Variants in YAF2 observed in about 807,000 individuals in gnomAD.
YAF2 encodes the protein YY1-associated factor 2.
In YAF2, 7 loss-of-function variants were observed where a neutral mutation model predicts 20.1. The observed-to-expected ratio is 0.35, with a 90% confidence interval of 0.20 to 0.65. YAF2 has a LOEUF of 0.65. Ranked by LOEUF, YAF2 falls within the 30% of genes least tolerant of loss-of-function variation. The probability of loss-of-function intolerance (pLI) is 0.69; values close to 1 mark genes in which losing one functional copy is unlikely to be tolerated. For missense variants in YAF2, 151 were observed against 219.2 expected, an observed-to-expected ratio of 0.69 and a Z score of 1.96; for synonymous variants, 74 against 76.0, an observed-to-expected ratio of 0.97 and a Z score of 0.14.
At chr12:42,212,645 G>T (rs763523356) in intron 2 of YAF2, among the ~76,000 whole-genome samples, 1 of 152,152 alleles carries the variant, frequency 6.6e-6, no homozygotes, top group Non-Finnish European at 1.5e-5. Flanking sequence ...TAATTCTAAT[G>T]AAAATCTTTT....
At chr12:42,190,236 T>C (rs900739674) in intron 2 of YAF2, among the ~76,000 whole-genome samples, 2 of 152,018 alleles carry the variant, frequency 1.3e-5, no homozygotes, top group Non-Finnish European at 2.9e-5. Flanking sequence ...CCTAGATACT[T>C]TGGAAGTTGA....
intron 2 of YAF2, among the ~76,000 whole-genome samples, chr12:42,211,705 T>C (rs965141027): frequency 1.2e-4 from 18 of 144,724 alleles, no homozygotes; most frequent in Admixed American, 9.8e-4. Context: ...AGTCGTGCCA[T>C]TGCACTCCAG....
intron 2 of YAF2, among the ~76,000 whole-genome samples, chr12:42,198,090 G>T (rs1481903591): frequency 6.6e-6 from 1 of 151,946 alleles, no homozygotes; most frequent in African/African-American, 2.4e-5. Context: ...AATCCCCATA[G>T]AGTGAAATGT....
At chr12:42,208,511 AAACTGTATCATTCAGCT>A (rs2067116443) in intron 2 of YAF2, among the ~76,000 whole-genome samples, 1 of 152,222 alleles carries the variant, frequency 6.6e-6, no homozygotes, top group Non-Finnish European at 1.5e-5. Flanking sequence ...TTTAAGGGCT[AAACTGTATCATTCAGCT>A]AACTATAACC....
intron 2 of YAF2, chr12:42,237,395 C>CGTTA: frequency 7.8e-7 from 1 of 1,279,304 alleles, no homozygotes; most frequent in Non-Finnish European, 9.9e-7. Context: ...CAGCAAAAAA[C>CGTTA]GTTACAGCCT....
intron 2 of YAF2, among the ~76,000 whole-genome samples, chr12:42,170,314 G>A (rs1215367636): frequency 6.6e-6 from 1 of 152,204 alleles, no homozygotes. Context: ...ACAAATGATT[G>A]CTGAATGAAT....
intron 2 of YAF2, among the ~76,000 whole-genome samples, chr12:42,184,862 G>A (rs760430848): frequency 6.6e-6 from 1 of 152,216 alleles, no homozygotes; most frequent in Non-Finnish European, 1.5e-5. Flanking sequence ...AGTAACAGCA[G>A]ATGTGGTAGA....
At chr12:42,235,223 C>G (rs2068109992) in intron 2 of YAF2, 1 of 994,776 alleles carries the variant, frequency 1.0e-6, no homozygotes. Flanking sequence ...CTGCAGCTAT[C>G]CAGTCTTGGC....
At chr12:42,237,395 C>G in intron 2 of YAF2, 1 of 1,279,304 alleles carries the variant, frequency 7.8e-7, no homozygotes, top group Non-Finnish European at 9.9e-7. Flanking sequence ...CAGCAAAAAA[C>G]GTTACAGCCT....
intron 2 of YAF2, among the ~76,000 whole-genome samples, chr12:42,222,758 T>G (rs1326334867): frequency 6.6e-6 from 1 of 152,160 alleles, no homozygotes; most frequent in Non-Finnish European, 1.5e-5. Flanking sequence ...TCAGGGATTT[T>G]TTTTTCCTTT....
At chr12:42,197,632 G>A (rs750561372) in intron 2 of YAF2, among the ~76,000 whole-genome samples, 1 of 152,262 alleles carries the variant, frequency 6.6e-6, no homozygotes, top group Middle Eastern at 3.4e-3. Context: ...CAAAGAGGTA[G>A]GCTGAGAAAA....
intron 2 of YAF2, among the ~76,000 whole-genome samples, chr12:42,177,944 C>G (rs1186282862): frequency 6.6e-6 from 1 of 152,118 alleles, no homozygotes. Context: ...CTACCTACTA[C>G]ATTACATATT....
intron 2 of YAF2, among the ~76,000 whole-genome samples, chr12:42,202,111 C>T (rs1255348435): frequency 6.6e-6 from 1 of 152,114 alleles, no homozygotes; most frequent in African/African-American, 2.4e-5. Flanking sequence ...GTTTCCCCCC[C>T]CATCTAGAAA....
At chr12:42,233,386 TTAAG>T (rs1565664979) in intron 2 of YAF2, 1 of 984,958 alleles carries the variant, frequency 1.0e-6, no homozygotes, top group Non-Finnish European at 1.2e-6. Context: ...TTAAGCAATA[TTAAG>T]TAACTGTCCA....
intron 2 of YAF2, among the ~76,000 whole-genome samples, chr12:42,228,104 G>T (rs2067810842): frequency 1.1e-5 from 1 of 90,326 alleles, no homozygotes; most frequent in Non-Finnish European, 2.3e-5. Flanking sequence ...TGGGAAGTGA[G>T]GAGCCCCTCT....
chr12:42,159,841 T>C lies in YAF2; in HGVS notation c.*748A>G, dbSNP rs548658050. The C allele has an allele frequency of 1.3e-5, 2 of 152,636 alleles. No homozygotes were observed. The highest frequency in any genetic ancestry group is 4.8e-5 in the African/African-American group (2 of 41,578). 9.5% of individuals were successfully genotyped at this position (152,636 alleles called of 1,614,324 possible). On this transcript the variant is annotated 3_prime_UTR_variant, in exon 4 of 4. Coordinates refer to ENST00000534854, the MANE Select transcript of YAF2 (RefSeq NM_005748.6). The stretch of plus-strand genomic sequence containing the variant: ...TTAATGTTTTATATGATACAGAAAA[T>C]ACCAGTGTTCAATGACAATAGCACT...
At chr12:42,221,886 T>C (rs774760935) in intron 2 of YAF2, among the ~76,000 whole-genome samples, 3 of 152,176 alleles carry the variant, frequency 2.0e-5, no homozygotes, top group Admixed American at 1.3e-4. Context: ...ATCTTCCCTC[T>C]GAAGACGCTC....
chr12:42,196,918 G>A (rs2066767980), intron 2 of YAF2, among the ~76,000 whole-genome samples: 1 of 152,134 alleles, frequency 6.6e-6, no homozygotes, highest in Non-Finnish European at 1.5e-5. Flanking sequence ...GGGACCTCAA[G>A]GCAGTGAAGA....
intron 2 of YAF2, among the ~76,000 whole-genome samples, chr12:42,166,886 C>G (rs965324617): frequency 1.3e-5 from 2 of 149,600 alleles, no homozygotes; most frequent in Admixed American, 6.7e-5. Flanking sequence ...CACTTTTGTA[C>G]TTTCTGGGAA....
Sources: gnomAD v4.1 joint callset for allele counts (sites outside exome capture counted in the v4.1 genomes callset) on GRCh38, gnomAD v4.1.1 for gene constraint, MANE v1.5 for transcripts, NCBI Gene and HGNC (gene_info 2026-07-23, HGNC 2026-07-21) for gene names.